Variants in FASTKD1 observed in about 807,000 individuals in gnomAD.
FASTKD1 encodes the protein FAST kinase domains 1, also known as FAST kinase domain-containing protein 1, mitochondrial.
In FASTKD1, 94 loss-of-function variants were observed where a neutral mutation model predicts 90.9. That is an observed-to-expected ratio of 1.03 (90% confidence interval 0.88 to 1.23). FASTKD1 has a LOEUF of 1.23. Ranked by LOEUF, FASTKD1 falls within the 50% of genes most tolerant of loss-of-function variation. The pLI, the probability that FASTKD1 is intolerant of heterozygous loss-of-function variation, is 0.00. For missense variants in FASTKD1, 945 were observed against 993.5 expected, an observed-to-expected ratio of 0.95 and a Z score of 0.66; for synonymous variants, 319 against 345.8, an observed-to-expected ratio of 0.92 and a Z score of 0.86.
At chr2:169,565,692 T>G (rs920022205) in intron 3 of FASTKD1, among the ~76,000 whole-genome samples, 9 of 152,240 alleles carry the variant, frequency 5.9e-5, no homozygotes, top group African/African-American at 2.2e-4. Flanking sequence ...TCCTGTCTTT[T>G]GGGTATATAC....
At chr2:169,551,753 A>C (rs772006313) in intron 7 of FASTKD1, among the ~76,000 whole-genome samples, 41 of 152,178 alleles carry the variant, frequency 2.7e-4, no homozygotes, top group Non-Finnish European at 5.0e-4. Flanking sequence ...AGATCACGCC[A>C]CTGTACTCCA....
Position 169,557,305 on chromosome 2 carries a change from C to CA in FASTKD1, c.972-9dup, listed in dbSNP as rs553731936. On this transcript the variant is annotated splice_polypyrimidine_tract_variant and intron_variant, in intron 5 of 14. Transcript: ENST00000453153. ...AACATAGTTGATTTAAGTCTAGAAG[C>CA]AAAAAAAAAAAAGTTTTTGGTTGAA... 73,331 of 1,131,608 alleles carry CA rather than the reference C, an allele frequency of 0.065. 130 individuals are homozygous for CA. Among genetic ancestry groups the CA allele is most frequent in the Non-Finnish European group, 0.071 (59,897 of 842,996 alleles). The allele number at this position is 1,131,608 out of a possible 1,614,324, so 70.1% of individuals were successfully genotyped here. A position where few individuals can be genotyped will look rare whatever the true frequency, so the allele number is the denominator to read the frequency against.
intron 9 of FASTKD1, among the ~76,000 whole-genome samples, chr2:169,543,463 CAA>C (rs372704087): frequency 6.8e-6 from 1 of 147,530 alleles, no homozygotes; most frequent in African/African-American, 2.5e-5. Context: ...AACTCTGTCT[CAA>C]AAAAAAAAGT....
At position 169,561,948 on chromosome 2, in the gene FASTKD1, TAATTATTA is replaced by T. The variant is rs750304416; in HGVS notation, c.573-1171_573-1164del. The stretch of plus-strand genomic sequence containing the variant: ...AATTATTTGTTAATTTATTATAAAT[TAATTATTA>T]ATTTATTGTAAATTAATTATTCATT... On this transcript the variant is annotated intron_variant, in intron 4 of 14. Coordinates refer to ENST00000453153, the MANE Select transcript of FASTKD1 (RefSeq NM_024622.6). Among the ~76,000 whole-genome samples the T allele has an allele frequency of 7.9e-3, 1,040 of 132,000 alleles. 286 individuals carry two copies. Among genetic ancestry groups the T allele is most frequent in the Middle Eastern group, 0.014 (2 of 138 alleles). 86.6% of individuals were successfully genotyped at this position (132,000 alleles called of 152,430 possible). A position where few individuals can be genotyped will look rare whatever the true frequency, so the allele number is the denominator to read the frequency against.
intron 6 of FASTKD1, among the ~76,000 whole-genome samples, chr2:169,556,074 A>G (rs1683292408): frequency 6.6e-6 from 1 of 152,134 alleles, no homozygotes; most frequent in Admixed American, 6.5e-5. Context: ...AAATAAAAGG[A>G]GGGTCTTTAT....
rs533279133 is a variant in FASTKD1 at position 169,566,588 on chromosome 2, T to C, written c.446+2596A>G. The stretch of plus-strand genomic sequence containing the variant: ...TTAGCTGGGCGTGGTGGCATCCACC[T>C]GTGGTCCCAGAAACTTGGGAGGCTG... On this transcript the variant is annotated intron_variant, in intron 3 of 14. Coordinates refer to ENST00000453153, the MANE Select transcript of FASTKD1 (RefSeq NM_024622.6). Among the ~76,000 whole-genome samples, 31 of 152,244 alleles carry C rather than the reference T, an allele frequency of 2.0e-4. No homozygotes were observed. The South Asian group carries it at 6.4e-3, about 32-fold the overall frequency.
intron 12 of FASTKD1, among the ~76,000 whole-genome samples, chr2:169,533,488 G>A (rs1684579052): frequency 1.3e-5 from 2 of 152,300 alleles, no homozygotes; most frequent in South Asian, 4.2e-4. Context: ...AATAATGTTT[G>A]TGGACTTTAG....
At chr2:169,533,614 T>C (rs529463949) in intron 12 of FASTKD1, among the ~76,000 whole-genome samples, 2 of 152,220 alleles carry the variant, frequency 1.3e-5, no homozygotes, top group South Asian at 4.1e-4. Context: ...TAATAAGCAA[T>C]ATATAAAAAT....
At chr2:169,552,863 G>GT (rs1685551380) in intron 7 of FASTKD1, among the ~76,000 whole-genome samples, 1 of 152,008 alleles carries the variant, frequency 6.6e-6, no homozygotes, top group Non-Finnish European at 1.5e-5. Flanking sequence ...ATTCATCCAT[G>GT]TAACAAAAAA....
intron 4 of FASTKD1, among the ~76,000 whole-genome samples, chr2:169,561,322 G>A (rs1157163538): frequency 6.6e-6 from 1 of 151,422 alleles, no homozygotes; most frequent in Non-Finnish European, 1.5e-5. Context: ...GTGGAGTGGG[G>A]CAAGAAGAGC....
intron 3 of FASTKD1, among the ~76,000 whole-genome samples, chr2:169,565,412 G>A (rs891871379): frequency 5.3e-5 from 8 of 151,332 alleles, no homozygotes; most frequent in African/African-American, 7.3e-5. Flanking sequence ...ATAGGCGCCC[G>A]CCACCACGCC....
chr2:169,561,978 C>CATTAATTTATTGTAAATTAATTATTT (rs1683686335), intron 4 of FASTKD1, among the ~76,000 whole-genome samples: 1 of 73,302 alleles, frequency 1.4e-5, no homozygotes, highest in African/African-American at 4.9e-5. Flanking sequence ...ATTAATTATT[C>CATTAATTTATTGTAAATTAATTATTT]ATTAATTTAT....
intron 7 of FASTKD1, among the ~76,000 whole-genome samples, chr2:169,549,599 G>T (rs1258037949): frequency 6.6e-6 from 1 of 151,650 alleles, no homozygotes; most frequent in Non-Finnish European, 1.5e-5. Context: ...CTACACACTG[G>T]GGATATAGGT....
In FASTKD1 at chr2:169,553,699, C is replaced by T. The variant is rs188377632; in HGVS notation, c.1214+1425G>A. 1.3e-3 allele frequency among the ~76,000 whole-genome samples: 196 copies of T among 152,106 alleles called. 1 individual carries two copies. Among genetic ancestry groups the T allele is most frequent in the African/African-American group, 4.5e-3 (188 of 41,504 alleles). ...TTGGGAGGCTGAGGCGGGCAGACCA[C>T]GGGGTCAGAAGATCGAGACCATCCT... On this transcript the variant is annotated intron_variant, in intron 7 of 14. Coordinates refer to ENST00000453153, the MANE Select transcript of FASTKD1 (RefSeq NM_024622.6).
In FASTKD1 at chr2:169,538,126, C is replaced by T. The variant is rs746515406; in HGVS notation, c.1961G>A (p.Arg654Gln). The stretch of plus-strand genomic sequence containing the variant: ...AAGATGAAACTGGACTCTTGCACTT[C>T]GAGATGGAGATAAAACTGAAATTAA... ...DSQLEILSPS[R>Q]SARVQFHLME... The change falls in exon 11 of 15, where the codon CGA becomes CAA. Residue 654 changes from arginine (R) to glutamine (Q), a missense_variant. Arg to Gln is a conservative substitution (Grantham distance 43). Coordinates refer to ENST00000453153, the MANE Select transcript of FASTKD1 (RefSeq NM_024622.6). 1.4e-5 allele frequency: 23 copies of T among 1,601,346 alleles called. No homozygotes were observed. In the African/African-American group the frequency reaches 2.4e-4, roughly 17 times the overall value.
At chr2:169,532,306 G>A (rs1684523649) in intron 12 of FASTKD1, among the ~76,000 whole-genome samples, 1 of 151,674 alleles carries the variant, frequency 6.6e-6, no homozygotes. Context: ...TCCGGCTGAG[G>A]AGGCTGAGGT....
intron 7 of FASTKD1, among the ~76,000 whole-genome samples, chr2:169,547,675 C>T (rs969982986): frequency 4.0e-5 from 6 of 151,762 alleles, no homozygotes; most frequent in African/African-American, 1.2e-4. Context: ...GACAGGGGTT[C>T]GAGACCAGTC....
intron 7 of FASTKD1, among the ~76,000 whole-genome samples, chr2:169,547,884 CAAA>C (rs1158292826): frequency 0.023 from 495 of 21,252 alleles, 7 homozygotes; most frequent in African/African-American, 0.054. Flanking sequence ...GACTCCATCT[CAAA>C]AAAAAAAAAA....
chr2:169,560,839 C>CTTTT (rs1204635514), intron 4 of FASTKD1, 54 bp from the exon 5 acceptor site: 339 of 249,026 alleles, frequency 1.4e-3, no homozygotes, highest in African/African-American at 6.0e-3. Context: ...ATGATCAATT[C>CTTTT]TTTTTTTTTT....
Sources: gnomAD v4.1 joint callset for allele counts (sites outside exome capture counted in the v4.1 genomes callset) on GRCh38, gnomAD v4.1.1 for gene constraint, MANE v1.5 for transcripts, NCBI Gene and HGNC (gene_info 2026-07-23, HGNC 2026-07-21) for gene names.